Variants in UNC13A observed in about 807,000 individuals in gnomAD.
UNC13A encodes protein unc-13 homolog A.
UNC13A carries 61 observed loss-of-function variants against 219.7 expected under a neutral mutation model. The ratio of observed to expected loss-of-function variants is 0.28; its 90% confidence interval spans 0.23 to 0.34. The LOEUF (loss-of-function observed/expected upper bound fraction) is 0.34, where lower values mean the gene tolerates loss of function less well. UNC13A is among the 10% of genes least tolerant of loss of function. The pLI is 1.00. For synonymous variants in UNC13A, 920 were observed against 884.6 expected, an observed-to-expected ratio of 1.04 and a Z score of -0.71; for missense variants, 1,476 against 2,270.3, an observed-to-expected ratio of 0.65 and a Z score of 7.11.
intron 4 of UNC13A, among the ~76,000 whole-genome samples, chr19:17,672,090 AC>A (rs71336633): frequency 8.0e-5 from 12 of 150,422 alleles, no homozygotes; most frequent in African/African-American, 2.2e-4. Context: ...TGCATGAACC[AC>A]CCCCCTCCCC....
At chr19:17,669,215 TG>T (rs1322284487) in intron 5 of UNC13A, among the ~76,000 whole-genome samples, 1 of 152,198 alleles carries the variant, frequency 6.6e-6, no homozygotes, top group Non-Finnish European at 1.5e-5. Flanking sequence ...TTTGTCTCTC[TG>T]TCTCTGTCTG....
Position 17,620,750 on chromosome 19 carries a change from A to C in UNC13A, c.4243-28T>G, listed in dbSNP as rs771109642. 1.9e-6 allele frequency: 3 copies of C among 1,612,054 alleles called. No individual in the cohort carries two copies. The South Asian group carries it at 3.3e-5, about 18-fold the overall frequency. On this transcript the variant is annotated intron_variant, in intron 37 of 43. Coordinates refer to ENST00000519716, the MANE Select transcript of UNC13A (RefSeq NM_001080421.3). ...GTGGAGAGAATCAGGTGGAGGTCAG[A>C]GTTCTGGTGACTGTTGGGAGGATAC...
At chr19:17,647,588 A>T (rs1048533956) in intron 16 of UNC13A, 96 bp from the exon 17 acceptor site, 1 of 1,239,206 alleles carries the variant, frequency 8.1e-7, no homozygotes, top group East Asian at 2.5e-5. Flanking sequence ...AACCGGGGGG[A>T]CTCAGGTGTC....
chr19:17,665,504 G>C (rs1352617699), intron 7 of UNC13A, among the ~76,000 whole-genome samples: 1 of 152,192 alleles, frequency 6.6e-6, no homozygotes, highest in African/African-American at 2.4e-5. Context: ...ATCATTAACA[G>C]ACAAGGTGCA....
At position 17,646,247 on chromosome 19, in the gene UNC13A, G is replaced by C. The variant is rs551316206; in HGVS notation, c.2045-136C>G. 3.4e-4 allele frequency: 403 copies of C among 1,196,516 alleles called. 1 individual carries two copies. The African/African-American group carries it at 5.8e-3, about 17-fold the overall frequency. 74.1% of individuals were successfully genotyped at this position (1,196,516 alleles called of 1,614,324 possible). ...GGAGAGCAATGGCAGGGCACGCTGG[G>C]CTTGCCAGAGAGGTTTTTTGTGTGT... On this transcript the variant is annotated intron_variant, in intron 17 of 43. Transcript: ENST00000519716.
At chr19:17,619,145 C>G in intron 38 of UNC13A, 183 bp from the exon 39 acceptor site, 1 of 615,628 alleles carries the variant, frequency 1.6e-6, no homozygotes. Context: ...CCCTGAAAAT[C>G]CCGGTCCTGT....
At chr19:17,637,038 G>A (rs1029812750) in intron 25 of UNC13A, among the ~76,000 whole-genome samples, 2 of 151,464 alleles carry the variant, frequency 1.3e-5, no homozygotes, top group Admixed American at 1.3e-4. Flanking sequence ...GCGCAGTGGT[G>A]CAATCATGGC....
intron 1 of UNC13A, among the ~76,000 whole-genome samples, chr19:17,682,708 G>A (rs2080041119): frequency 6.6e-6 from 1 of 152,152 alleles, no homozygotes; most frequent in Admixed American, 6.5e-5. Flanking sequence ...CAAGGAGCAG[G>A]GGAATAGCCC....
At position 17,649,357 on chromosome 19, in the gene UNC13A, C is replaced by T. The variant is rs1309287345; in HGVS notation, c.1519-13G>A. 5.0e-6 allele frequency: 8 copies of T among 1,599,928 alleles called. No individual in the cohort carries two copies. Among genetic ancestry groups the T allele is most frequent in the Middle Eastern group, 1.7e-4 (1 of 6,058 alleles). ...CACTCACCATGGCCTGAAGTGTCCA[C>T]GCAGCACATGGGGGTAGAAATCAGA... On this transcript the variant is annotated splice_polypyrimidine_tract_variant and intron_variant, in intron 13 of 43. Transcript: ENST00000519716. This position sits in a 1 kb window ranked among gnomAD's most constrained non-coding sequence, Gnocchi z 4.4.
intron 28 of UNC13A, among the ~76,000 whole-genome samples, chr19:17,631,631 T>A (rs1334589593): frequency 6.6e-6 from 1 of 152,138 alleles, no homozygotes; most frequent in Non-Finnish European, 1.5e-5. Context: ...CGTACTATCC[T>A]CCAACACACA....
chr19:17,626,965 G>A (rs1021745514), intron 33 of UNC13A, among the ~76,000 whole-genome samples, 180 bp from the exon 34 acceptor site: 6 of 152,180 alleles, frequency 3.9e-5, no homozygotes, highest in South Asian at 2.1e-4. Context: ...AGGCCAAGGC[G>A]GGCGGATCAC....
At chr19:17,676,324 G>A (rs1391591241) in intron 1 of UNC13A, among the ~76,000 whole-genome samples, 1 of 151,988 alleles carries the variant, frequency 6.6e-6, no homozygotes, top group Non-Finnish European at 1.5e-5. Flanking sequence ...GGCAACCCTA[G>A]AATGGAAGGA....
At chr19:17,645,289 G>A (rs11666242) in intron 19 of UNC13A, among the ~76,000 whole-genome samples, 40,927 of 151,630 alleles carry the variant, frequency 0.27, 6,119 homozygotes, top group East Asian at 0.49. Flanking sequence ...GATTACAGGC[G>A]TGAGCCACCA....
At chr19:17,621,129 G>A (rs2076725415) in intron 37 of UNC13A, among the ~76,000 whole-genome samples, 1 of 152,290 alleles carries the variant, frequency 6.6e-6, no homozygotes, top group South Asian at 2.1e-4. Context: ...AGTTCACTCA[G>A]TGCTGAAGAA....
chr19:17,607,569 C>T (rs558973157), intron 43 of UNC13A, among the ~76,000 whole-genome samples: 1 of 148,130 alleles, frequency 6.8e-6, no homozygotes, highest in Non-Finnish European at 1.5e-5. Context: ...TCAGCCACCG[C>T]GCCTGGCCCA....
intron 34 of UNC13A, 197 bp downstream of exon 34, chr19:17,626,436 T>C: frequency 1.8e-6 from 1 of 557,090 alleles, no homozygotes; most frequent in Non-Finnish European, 3.1e-6. Flanking sequence ...TCCACACAAA[T>C]ATTTACTCAC....
chr19:17,608,432 ATATT>A (rs2076562414), intron 43 of UNC13A, among the ~76,000 whole-genome samples: 5 of 139,286 alleles, frequency 3.6e-5, no homozygotes, highest in Non-Finnish European at 7.6e-5. Flanking sequence ...TATATGATAT[ATATT>A]TATTATATAT....
At chr19:17,676,129 C>A in intron 1 of UNC13A, 88 bp from the exon 2 acceptor site, 2 of 1,330,062 alleles carry the variant, frequency 1.5e-6, no homozygotes, top group Non-Finnish European at 2.1e-6. Flanking sequence ...AGAGACACAC[C>A]AAGATGGAGA....
rs759157131 is a variant in UNC13A, at chr19:17,611,767, C to T, written c.4647G>A (p.Val1549=). The T allele has an allele frequency of 1.9e-6, 3 of 1,614,082 alleles. No individual in the cohort carries two copies. The highest frequency in any genetic ancestry group is 1.7e-6 in the Non-Finnish European group (2 of 1,179,920). The change falls in exon 42 of 44, where the codon GTG becomes GTA. Residue 1549 remains valine (V), a synonymous_variant. Coordinates refer to ENST00000519716, the MANE Select transcript of UNC13A (RefSeq NM_001080421.3). ...CTCCCACCTCAGACCACTCACCTTT[C>T]ACTGTGACCTTGTGTTCCCCAGTTC... is the stretch of plus-strand genomic sequence containing the variant. The part of the protein sequence containing the change: ...HPGTGEHKVT[V]KVVAANDLKW...
Sources: gnomAD v4.1 joint callset for allele counts (sites outside exome capture counted in the v4.1 genomes callset) on GRCh38, gnomAD v4.1.1 for gene constraint, Gnocchi (gnomAD v3.1) non-coding constraint, MANE v1.5 for transcripts, NCBI Gene and HGNC (gene_info 2026-07-23, HGNC 2026-07-21) for gene names.